Variants in LMNA observed in about 807,000 individuals in gnomAD.
The protein encoded by LMNA is lamin.
A neutral mutation model predicts 70.4 loss-of-function variants in LMNA; 20 were observed. The ratio of observed to expected loss-of-function variants is 0.28; its 90% CI spans 0.20 to 0.41. The LOEUF (loss-of-function observed/expected upper bound fraction) is 0.41. LMNA is among the 10% of genes least tolerant of loss of function. LMNA has a pLI of 1.00. For synonymous variants in LMNA, 339 were observed against 372.8 expected (o/e 0.91, Z 1.04); for missense variants, 652 against 917.2 (o/e 0.71, Z 3.73).
chr1:156,091,132 C>A (rs1310552464), intron 3 of LMNA: 1 of 152,384 alleles, frequency 6.6e-6, no homozygotes, highest in Non-Finnish European at 1.5e-5. Context: ...TGGGTCTGAG[C>A]AGCTCCCCCG....
Position 156,136,485 on chromosome 1 carries a change from A to G in LMNA, c.1380+49A>G. 6.6e-7 allele frequency: 1 copy of G among 1,514,124 alleles called. No individual in the cohort carries two copies. Among genetic ancestry groups the G allele is most frequent in the Non-Finnish European group, 8.9e-7 (1 of 1,118,190 alleles). 93.8% of individuals were successfully genotyped at this position (1,514,124 alleles called of 1,614,324 possible). A position where few individuals can be genotyped will look rare whatever the true frequency, so the allele number is the denominator to read the frequency against. ...GGGGATACAGCTGCATCAGGGAGAG[A>G]GTGGCAAGACAGAAGGATGGCATGT... is the stretch of plus-strand genomic sequence containing the variant. On this transcript the variant is annotated intron_variant, in intron 7 of 11. Transcript: ENST00000368300. The surrounding 1 kb of genome is among the most constrained non-coding windows in gnomAD (Gnocchi z 6.1).
rs1649418541 is a variant in LMNA at position 156,108,171 on chromosome 1, G to A, written c.-206-6542G>A. 2.0e-5 allele frequency among the ~76,000 whole-genome samples: 3 copies of A among 152,188 alleles called. No homozygotes were observed. The South Asian group carries it at 6.2e-4, about 31-fold the overall frequency. ...CCTCCATATAGCCCCTAGCCTGGTT[G>A]CTGGCACATGGCAGCCCCTTAAAGA... On this transcript the variant is annotated intron_variant, in intron 3 of 12. Transcript: ENST00000368301.
chr1:156,110,080 C>T (rs1649481752), upstream of LMNA, among the ~76,000 whole-genome samples: 1 of 151,948 alleles, frequency 6.6e-6, no homozygotes, highest in Non-Finnish European at 1.5e-5. Flanking sequence ...TGGGCTCAAG[C>T]AATCTGCAAT....
At chr1:156,084,803 C>G (rs1466037069) in intron 2 of LMNA, among the ~76,000 whole-genome samples, 2 of 152,236 alleles carry the variant, frequency 1.3e-5, no homozygotes, top group African/African-American at 4.8e-5. Flanking sequence ...GAGATTCCCC[C>G]CAGACTCCCA....
intron 1 of LMNA, among the ~76,000 whole-genome samples, chr1:156,116,662 T>A (rs1159626132): frequency 6.6e-6 from 1 of 152,182 alleles, no homozygotes; most frequent in South Asian, 2.1e-4. Flanking sequence ...CCTCCCAGGT[T>A]CAAGTGATTC....
At chr1:156,104,637 C>G (rs536421050) in intron 3 of LMNA, among the ~76,000 whole-genome samples, 1 of 152,110 alleles carries the variant, frequency 6.6e-6, no homozygotes, top group East Asian at 1.9e-4. Context: ...GAGTGAGGTC[C>G]CACCCCCTAA....
At position 156,134,252 on chromosome 1, in the gene LMNA, TC is replaced by T; in HGVS notation, c.514-149del. The T allele has an allele frequency of 1.3e-6, 1 of 786,972 alleles. No individual in the cohort carries two copies. Among genetic ancestry groups the T allele is most frequent in the Non-Finnish European group, 2.2e-6 (1 of 464,552 alleles). 48.7% of individuals were successfully genotyped at this position (786,972 alleles called of 1,614,324 possible). On this transcript the variant is annotated intron_variant, in intron 2 of 11. Coordinates refer to ENST00000368300, the MANE Select transcript of LMNA (RefSeq NM_170707.4). The surrounding 1 kb of genome is among the most constrained non-coding windows in gnomAD (Gnocchi z 5.3). ...CCTACCAAGAGTGAGTGAGTAGATGTCCTGACCCCTGCAGGCATCCAAGGCC... is the reference window on the plus strand; with the variant it reads ...CCTACCAAGAGTGAGTGAGTAGATGTCTGACCCCTGCAGGCATCCAAGGCC...
intron 2 of LMNA, chr1:156,083,573 CG>C (rs1648355992): frequency 6.6e-6 from 1 of 152,276 alleles, no homozygotes; most frequent in African/African-American, 2.4e-5. Flanking sequence ...GAGGCAGAGG[CG>C]GGTGGATCAC....
Position 156,137,510 on chromosome 1 carries a change from C to T in LMNA, c.1609-144C>T, listed in dbSNP as rs1027054508. The T allele has an allele frequency of 1.2e-6, 1 of 859,392 alleles. No homozygotes were observed. Among genetic ancestry groups the T allele is most frequent in the South Asian group, 1.4e-5 (1 of 69,372 alleles). 53.2% of individuals were successfully genotyped at this position (859,392 alleles called of 1,614,324 possible). A position where few individuals can be genotyped will look rare whatever the true frequency, so the allele number is the denominator to read the frequency against. On this transcript the variant is annotated intron_variant, in intron 9 of 11. Transcript: ENST00000368300. The surrounding 1 kb of genome is among the most constrained non-coding windows in gnomAD (Gnocchi z 4.6). ...TCTGGGGTGGAAATGAGTTCCTTAG[C>T]TCCATCACCACAGAGGACAGAGTAA...
intron 1 of LMNA, among the ~76,000 whole-genome samples, chr1:156,122,639 G>A (rs1041858374): frequency 3.3e-5 from 5 of 152,232 alleles, no homozygotes; most frequent in Non-Finnish European, 5.9e-5. Context: ...AAAGGGCTGT[G>A]TCATAGAGTA....
At chr1:156,122,730 G>C (rs567635578) in intron 1 of LMNA, among the ~76,000 whole-genome samples, 15 of 152,238 alleles carry the variant, frequency 9.9e-5, no homozygotes, top group Non-Finnish European at 1.9e-4. Flanking sequence ...AGGCAGAACT[G>C]TTACCTTAGA....
At chr1:156,086,672 G>A (rs979505422) in intron 2 of LMNA, among the ~76,000 whole-genome samples, 4 of 152,086 alleles carry the variant, frequency 2.6e-5, no homozygotes, top group African/African-American at 7.2e-5. Context: ...ACAGAGTCTC[G>A]CTCTGTTGCC....
chr1:156,089,017 G>A (rs540008966), intron 2 of LMNA, among the ~76,000 whole-genome samples: 5 of 152,224 alleles, frequency 3.3e-5, no homozygotes, highest in East Asian at 1.9e-4. Flanking sequence ...TTGCTCTGTC[G>A]TCCAGGCTAT....
Position 156,136,271 on chromosome 1 carries a change from C to T in LMNA, c.1215C>T (p.His405=). The T allele has an allele frequency of 1.2e-6, 2 of 1,612,138 alleles. No individual in the cohort carries two copies. Among genetic ancestry groups the T allele is most frequent in the Non-Finnish European group, 1.7e-6 (2 of 1,180,036 alleles). ...SQRSRGRASS[H]SSQTQGGGSV... Reference sequence around the variant, plus strand: ...GCAGCCGTGGCCGTGCTTCCTCTCACTCATCCCAGACACAGGGTGGGGGCA... The same window carrying T: ...GCAGCCGTGGCCGTGCTTCCTCTCATTCATCCCAGACACAGGGTGGGGGCA... Residue 405 remains histidine, a synonymous_variant, in exon 7 of 12, where the codon CAC becomes CAT. Transcript: ENST00000368300. The surrounding 1 kb of genome is among the most constrained non-coding windows in gnomAD (Gnocchi z 6.1).
At chr1:156,133,443 T>G (rs1381003648) in intron 2 of LMNA, among the ~76,000 whole-genome samples, 2 of 151,866 alleles carry the variant, frequency 1.3e-5, no homozygotes, top group African/African-American at 4.8e-5. Context: ...TGGTGGCCCA[T>G]GTCTGTAGTC....
intron 3 of LMNA, among the ~76,000 whole-genome samples, chr1:156,100,398 C>G (rs2102798339): frequency 6.6e-6 from 1 of 152,212 alleles, no homozygotes; most frequent in Non-Finnish European, 1.5e-5. Flanking sequence ...AACCATCAGA[C>G]AAGTTAGGTC....
intron 2 of LMNA, among the ~76,000 whole-genome samples, chr1:156,089,817 C>T (rs1022867035): frequency 2.6e-5 from 4 of 152,194 alleles, no homozygotes; most frequent in African/African-American, 4.8e-5. Flanking sequence ...CTGATTTCCC[C>T]AGGGAGAGTA....
chr1:156,136,135 A>G lies in LMNA; in HGVS notation c.1157+14A>G. 6.2e-7 allele frequency: 1 copy of G among 1,613,738 alleles called. No individual in the cohort carries two copies. Among genetic ancestry groups the G allele is most frequent in the Non-Finnish European group, 8.5e-7 (1 of 1,179,924 alleles). ...CGAGGAGGAGAGGTGGGCTGGGGAG[A>G]CGTCGGGGAGGTGCTGGCAGTGTCC... On this transcript the variant is annotated intron_variant, in intron 6 of 11. Coordinates refer to ENST00000368300, the MANE Select transcript of LMNA (RefSeq NM_170707.4). This position sits in a 1 kb window ranked among gnomAD's most constrained non-coding sequence, Gnocchi z 6.1.
In LMNA at chr1:156,135,498, G is replaced by C. The variant is rs891456034; in HGVS notation, c.936+186G>C. On this transcript the variant is annotated intron_variant, in intron 5 of 11. Transcript: ENST00000368300. The surrounding 1 kb of genome is among the most constrained non-coding windows in gnomAD (Gnocchi z 4.8). The stretch of plus-strand genomic sequence containing the variant: ...GTCAGATGGCCTGTGTGCTGTTTCT[G>C]TACACTCTTACCTCACCTTCACTTC... 6.6e-6 allele frequency: 5 copies of C among 753,068 alleles called. No individual in the cohort carries two copies. Among genetic ancestry groups the C allele is most frequent in the Non-Finnish European group, 1.1e-5 (5 of 449,780 alleles). The allele number at this position is 753,068 out of a possible 1,614,324, so 46.6% of individuals were successfully genotyped here.
Sources: allele counts gnomAD v4.1 joint callset (sites outside exome capture counted in the v4.1 genomes callset), GRCh38; gene constraint gnomAD v4.1.1; non-coding constraint Gnocchi (gnomAD v3.1); transcripts MANE v1.5; gene names NCBI Gene and HGNC (gene_info 2026-07-23, HGNC 2026-07-21).